RIC1: variants seen among roughly 807,000 people sequenced by gnomAD.
RIC1 encodes guanine nucleotide exchange factor subunit RIC1.
Under a neutral mutation model 169.0 loss-of-function variants are expected in RIC1, and 88 were observed. That is an observed-to-expected ratio of 0.52 (90% CI 0.44 to 0.62). The LOEUF (loss-of-function observed/expected upper bound fraction) is 0.62. Among genes scored for constraint, RIC1 ranks in the 20% least tolerant of loss-of-function variants. The pLI, the probability that RIC1 is intolerant of heterozygous loss-of-function variation, is 0.00. For missense variants in RIC1, 1,877 were observed against 1,725.5 expected (o/e 1.09, Z -1.56); for synonymous variants, 790 against 601.5 (o/e 1.31, Z -4.59).
At chr9:5,689,466 G>T (rs533419869) in intron 2 of RIC1, among the ~76,000 whole-genome samples, 1 of 152,154 alleles carries the variant, frequency 6.6e-6, no homozygotes, top group Non-Finnish European at 1.5e-5. Context: ...GCTATATTTT[G>T]TAGTAAATCA....
At chr9:5,759,630 A>C (rs181908061) in intron 17 of RIC1, among the ~76,000 whole-genome samples, 1 of 152,318 alleles carries the variant, frequency 6.6e-6, no homozygotes, top group East Asian at 1.9e-4. Context: ...ATGGAGAGAG[A>C]AAGTAGGGAA....
chr9:5,753,359 T>C (rs568254072), intron 13 of RIC1, 121 bp downstream of exon 13: 13 of 933,268 alleles, frequency 1.4e-5, no homozygotes, highest in East Asian at 2.4e-5. Context: ...TATTGTAACA[T>C]TGCTAGTATA....
chr9:5,689,044 CTTTTT>C (rs34717277), intron 2 of RIC1, among the ~76,000 whole-genome samples: 11 of 99,034 alleles, frequency 1.1e-4, no homozygotes, highest in South Asian at 3.4e-4. Flanking sequence ...AATACAATTT[CTTTTT>C]TTTTTTTTTT....
At chr9:5,664,248 A>G (rs1175173892) in intron 2 of RIC1, among the ~76,000 whole-genome samples, 3 of 152,062 alleles carry the variant, frequency 2.0e-5, no homozygotes, top group African/African-American at 7.2e-5. Context: ...CATCTCTACT[A>G]AAAATACAAA....
At chr9:5,673,403 G>T (rs1820229660) in intron 2 of RIC1, among the ~76,000 whole-genome samples, 1 of 151,386 alleles carries the variant, frequency 6.6e-6, no homozygotes, top group Non-Finnish European at 1.5e-5. Context: ...GAGTGTTACT[G>T]GGAATTAATG....
chr9:5,694,171 G>T (rs1433948143), intron 3 of RIC1, among the ~76,000 whole-genome samples: 1 of 152,098 alleles, frequency 6.6e-6, no homozygotes, highest in Non-Finnish European at 1.5e-5. Flanking sequence ...AACACAACTT[G>T]CCCCTTCTAA....
At chr9:5,699,548 A>G (rs1293009974) in intron 3 of RIC1, among the ~76,000 whole-genome samples, 3 of 151,992 alleles carry the variant, frequency 2.0e-5, no homozygotes, top group Admixed American at 2.0e-4. Flanking sequence ...ACTAAAATAT[A>G]AAAGCAACAT....
chr9:5,732,511 G>C (rs1196944682), intron 7 of RIC1, 32 bp downstream of exon 7: 1 of 1,457,016 alleles, frequency 6.9e-7, no homozygotes, highest in South Asian at 1.3e-5. Flanking sequence ...GCATTTTTAA[G>C]AGTTGTTGCA....
intron 8 of RIC1, among the ~76,000 whole-genome samples, 163 bp from the exon 9 acceptor site, chr9:5,742,706 C>T (rs1224416683): frequency 6.7e-6 from 1 of 149,952 alleles, no homozygotes; most frequent in African/African-American, 2.5e-5. Context: ...AATGGCCTTA[C>T]TAACTTTAAG....
intron 22 of RIC1, chr9:5,769,477 T>C (rs1827049447): frequency 4.9e-6 from 7 of 1,440,218 alleles, no homozygotes; most frequent in Non-Finnish European, 1.8e-6. Flanking sequence ...TGAAGTCTAA[T>C]TCAAAAATCT....
intron 2 of RIC1, among the ~76,000 whole-genome samples, chr9:5,672,671 A>T (rs989714144): frequency 1.3e-5 from 2 of 152,246 alleles, no homozygotes; most frequent in Admixed American, 6.5e-5. Context: ...AAACTTACCT[A>T]GTTTAGAAAC....
chr9:5,722,902 G>A (rs565515809), intron 6 of RIC1, among the ~76,000 whole-genome samples: 2 of 152,194 alleles, frequency 1.3e-5, no homozygotes, highest in African/African-American at 4.8e-5. Flanking sequence ...CTTTTTTATG[G>A]CTGCATAGTA....
chr9:5,667,794 G>A (rs1025519630), intron 2 of RIC1, among the ~76,000 whole-genome samples: 9 of 152,096 alleles, frequency 5.9e-5, no homozygotes, highest in Admixed American at 3.3e-4. Flanking sequence ...ATGAGCCACC[G>A]CACTGGGCCT....
intron 2 of RIC1, among the ~76,000 whole-genome samples, chr9:5,680,547 G>C (rs200947668): frequency 2.6e-5 from 4 of 152,044 alleles, no homozygotes; most frequent in African/African-American, 4.8e-5. Context: ...CAGAGATTCT[G>C]CTTCTTCCTG....
chr9:5,720,356 G>T, intron 5 of RIC1, 32 bp downstream of exon 5: 2 of 1,581,270 alleles, frequency 1.3e-6, no homozygotes, highest in South Asian at 2.3e-5. Flanking sequence ...GGTTGAACCA[G>T]TTGTTTAATG....
chr9:5,773,144 C>T, intron 25 of RIC1, 64 bp downstream of exon 25: 1 of 903,758 alleles, frequency 1.1e-6, no homozygotes, highest in Non-Finnish European at 1.6e-6. Context: ...TGTCCTTTCA[C>T]ATTAAGGCCT....
At chr9:5,685,693 T>G (rs960418993) in intron 2 of RIC1, among the ~76,000 whole-genome samples, 11 of 151,162 alleles carry the variant, frequency 7.3e-5, no homozygotes, top group Middle Eastern at 3.5e-3. Flanking sequence ...ACCTAGGCAT[T>G]ACCATTCAGG....
chr9:5,722,655 C>T (rs1823677832), intron 6 of RIC1, among the ~76,000 whole-genome samples: 1 of 152,078 alleles, frequency 6.6e-6, no homozygotes, highest in African/African-American at 2.4e-5. Context: ...GTTCTGCACC[C>T]ATTAACTCGT....
intron 2 of RIC1, among the ~76,000 whole-genome samples, chr9:5,684,439 T>A (rs1420536907): frequency 6.6e-6 from 1 of 152,162 alleles, no homozygotes; most frequent in African/African-American, 2.4e-5. Flanking sequence ...ATTTTTACTT[T>A]CAGCACTGTT....
Sources: gnomAD v4.1 joint callset for allele counts (sites outside exome capture counted in the v4.1 genomes callset) on GRCh38, gnomAD v4.1.1 for gene constraint, MANE v1.5 for transcripts, NCBI Gene and HGNC (gene_info 2026-07-23, HGNC 2026-07-21) for gene names.